The following FBLIM1 variants were observed in gnomAD, a reference collection of about 807,000 sequenced individuals.
The protein encoded by FBLIM1 is filamin binding LIM protein 1, also known as filamin-binding LIM protein 1.
Under a neutral mutation model 37.4 loss-of-function variants are expected in FBLIM1, and 29 were observed. The observed-to-expected ratio is 0.77, with a 90% CI of 0.58 to 1.06. The LOEUF is 1.06. Among genes scored for constraint, FBLIM1 ranks in the 50% least tolerant of loss-of-function variants. FBLIM1 has a pLI of 0.00. For synonymous variants in FBLIM1, 193 were observed against 199.0 expected (o/e 0.97, Z 0.25); for missense variants, 449 against 505.6 (o/e 0.89, Z 1.07).
At chr1:15,757,219 C>T (rs570937684), upstream of FBLIM1, among the ~76,000 whole-genome samples, 6 of 152,308 alleles carry the variant, frequency 3.9e-5, no homozygotes, top group African/African-American at 1.4e-4. The surrounding 1 kb of genome is among the most constrained non-coding windows in gnomAD (Gnocchi z 4.1). Context: ...CCCCAGCTTC[C>T]GATTCTGTAA....
intron 8 of FBLIM1, 108 bp from the exon 9 acceptor site, chr1:15,784,440 G>A (rs1243678948): frequency 7.4e-6 from 6 of 816,314 alleles, no homozygotes; most frequent in Non-Finnish European, 1.2e-5. Flanking sequence ...CTTAGGAAGG[G>A]CATCCACTCA....
Position 15,768,615 on chromosome 1 carries a change from A to G in FBLIM1, c.526A>G (p.Lys176Glu). ...LPPPPAEPVE[K>E]GASTDICAFC... is the part of the protein sequence containing the mutation. ...ACCTCCCCCGGCAGAACCTGTTGAG[A>G]AAGGGGCATCCACAGGTAGGTGCAC... The change falls in exon 5 of 9, where the codon AAA becomes GAA. Residue 176 changes from lysine (K) to glutamate (E), a missense_variant. Lys to Glu is a moderately conservative substitution (Grantham distance 56, BLOSUM62 1). Transcript: ENST00000375766. 1 of 1,611,644 alleles carries G rather than the reference A, an allele frequency of 6.2e-7. No homozygotes were observed.
At chr1:15,768,730 C>T in intron 5 of FBLIM1, 100 bp downstream of exon 5, 2 of 720,458 alleles carry the variant, frequency 2.8e-6, no homozygotes, top group South Asian at 3.3e-5. Flanking sequence ...TTCCCATCCC[C>T]ACCCCAGCTC....
chr1:15,778,245 C>T (rs1362192661), intron 8 of FBLIM1, among the ~76,000 whole-genome samples: 1 of 152,078 alleles, frequency 6.6e-6, no homozygotes, highest in Non-Finnish European at 1.5e-5. Flanking sequence ...GTGCCTTTTC[C>T]AGGTGCTGGG....
chr1:15,757,140 C>G (rs537141643), upstream of FBLIM1, among the ~76,000 whole-genome samples: 2 of 152,142 alleles, frequency 1.3e-5, no homozygotes, highest in Non-Finnish European at 2.9e-5. This position sits in a 1 kb window ranked among gnomAD's most constrained non-coding sequence, Gnocchi z 4.1. Flanking sequence ...AGGAATGAGC[C>G]GAGCAGGGAC....
intron 6 of FBLIM1, among the ~76,000 whole-genome samples, chr1:15,770,960 G>T (rs1056046622): frequency 6.6e-6 from 1 of 152,018 alleles, no homozygotes; most frequent in Admixed American, 6.6e-5. Flanking sequence ...TGCGGTGGGG[G>T]ACGGAGTCTC....
In FBLIM1 at chr1:15,764,727, G is replaced by C. The variant is rs1397869831; in HGVS notation, c.-21+42G>C. ...GCTCCCCTAGGTGTGCAGGTTCGGG[G>C]GAGGGGCAGTCAGGACTTTTGGGTC... On this transcript the variant is annotated intron_variant, in intron 2 of 8. Transcript: ENST00000375766. 5.5e-6 allele frequency: 3 copies of C among 540,622 alleles called. No homozygotes were observed. In the East Asian group the frequency reaches 9.4e-5, roughly 17 times the overall value. The allele number at this position is 540,622 out of a possible 1,614,324, so 33.5% of individuals were successfully genotyped here.
Position 15,770,522 on chromosome 1 carries a change from G to A in FBLIM1, c.655G>A (p.Ala219Thr). Residue 219 changes from alanine to threonine, a missense_variant, in exon 6 of 9, where the codon GCT (alanine) becomes ACT (threonine). Ala to Thr is a moderately conservative substitution (Grantham distance 58). Coordinates refer to ENST00000375766, the MANE Select transcript of FBLIM1 (RefSeq NM_017556.4). ...FTCRTCRRQL[A>T]GQSFYQKDGR... is the part of the protein sequence containing the mutation. ...GTGCCGCACCTGCCGCCGCCAGCTG[G>A]CTGGGCAGAGCTTCTACCAGAAGGA... 1 of 1,613,976 alleles carries A rather than the reference G, an allele frequency of 6.2e-7. No individual in the cohort carries two copies. Among genetic ancestry groups the A allele is most frequent in the East Asian group, 2.2e-5 (1 of 44,884 alleles).
chr1:15,763,513 G>A (rs1408999903), intron 1 of FBLIM1, among the ~76,000 whole-genome samples: 1 of 150,298 alleles, frequency 6.7e-6, no homozygotes, highest in Non-Finnish European at 1.5e-5. Context: ...GCGGGCACCT[G>A]TAGTCCCAGC....
chr1:15,769,141 C>G (rs1040313657), intron 5 of FBLIM1, among the ~76,000 whole-genome samples: 1 of 152,214 alleles, frequency 6.6e-6, no homozygotes, highest in Middle Eastern at 3.2e-3. Flanking sequence ...TGTTCACTTT[C>G]TTTCCTTCGT....
rs2069747870 is a variant in FBLIM1, at chr1:15,785,440, GC to G, written c.*781del. 6.6e-6 allele frequency: 1 copy of G among 152,228 alleles called. No individual in the cohort carries two copies. Among genetic ancestry groups the G allele is most frequent in the African/African-American group, 2.4e-5 (1 of 41,442 alleles). 9.4% of individuals were successfully genotyped at this position (152,228 alleles called of 1,614,324 possible). On this transcript the variant is annotated 3_prime_UTR_variant, in exon 9 of 9. Transcript: ENST00000375766. ...ACTTGAGGTCAGGAGTTTGAGACCA[GC>G]CTGGCCAACACGGCAAAACCCCGTT...
intron 6 of FBLIM1, 79 bp from the exon 7 acceptor site, chr1:15,774,539 C>T: frequency 7.2e-6 from 11 of 1,524,642 alleles, no homozygotes; most frequent in Non-Finnish European, 9.7e-6. Flanking sequence ...CCCCTGAGGG[C>T]AGCCTCTCAG....
rs772416455 is a variant in FBLIM1 at position 15,784,658 on chromosome 1, C to T, written c.1119C>T (p.Cys373=). The T allele has an allele frequency of 6.2e-7, 1 of 1,613,866 alleles. No homozygotes were observed. The highest frequency in any genetic ancestry group is 8.5e-7 in the Non-Finnish European group (1 of 1,179,812). The change falls in exon 9 of 9, where the codon TGC becomes TGT. Residue 373 remains cysteine, a synonymous_variant. Coordinates refer to ENST00000375766, the MANE Select transcript of FBLIM1 (RefSeq NM_017556.4). ...CHVKRSAAGC[C] ...TGAAGCGGAGTGCTGCGGGGTGCTG[C>T]TGAGAGTGCCCGCTGGGCAGTGAAC...
chr1:15,778,327 A>G (rs926946885), intron 8 of FBLIM1, among the ~76,000 whole-genome samples: 1 of 152,108 alleles, frequency 6.6e-6, no homozygotes, highest in Non-Finnish European at 1.5e-5. Flanking sequence ...CACTTTGGGA[A>G]GCTGAGATGG....
At position 15,770,517 on chromosome 1, in the gene FBLIM1, A is replaced by T; in HGVS notation, c.650A>T (p.Gln217Leu). 1 of 1,613,838 alleles carries T rather than the reference A, an allele frequency of 6.2e-7. No homozygotes were observed. The highest frequency in any genetic ancestry group is 1.1e-5 in the South Asian group (1 of 91,070). The change falls in exon 6 of 9, where the codon CAG becomes CTG. Residue 217 changes from glutamine to leucine, a missense_variant. Coordinates refer to ENST00000375766, the MANE Select transcript of FBLIM1 (RefSeq NM_017556.4). ...TTCACGTGCCGCACCTGCCGCCGCC[A>T]GCTGGCTGGGCAGAGCTTCTACCAG... ...QCFTCRTCRR[Q>L]LAGQSFYQKD...
At chr1:15,778,940 C>G (rs889672203) in intron 8 of FBLIM1, among the ~76,000 whole-genome samples, 1 of 151,774 alleles carries the variant, frequency 6.6e-6, no homozygotes, top group Non-Finnish European at 1.5e-5. Context: ...CCGTGCCCAG[C>G]GTTTTTTTAT....
At position 15,784,711 on chromosome 1, in the gene FBLIM1, C is replaced by G. The variant is rs1178924875; in HGVS notation, c.*50C>G. 3 of 1,544,722 alleles carry G rather than the reference C, an allele frequency of 1.9e-6. No individual in the cohort carries two copies. The highest frequency in any genetic ancestry group is 2.7e-6 in the Non-Finnish European group (3 of 1,121,974). On this transcript the variant is annotated 3_prime_UTR_variant, in exon 9 of 9. Coordinates refer to ENST00000375766, the MANE Select transcript of FBLIM1 (RefSeq NM_017556.4). ...ACCACTAGCCCCGGCTGGGGCCCTTCCCTGACTTGGTTTCCCTTCCTAACC... is the reference window on the plus strand; with the variant it reads ...ACCACTAGCCCCGGCTGGGGCCCTTGCCTGACTTGGTTTCCCTTCCTAACC...
rs992898403 is a variant in FBLIM1 at position 15,764,867 on chromosome 1, G to A, written c.-20-97G>A. 60 of 1,405,728 alleles carry A rather than the reference G, an allele frequency of 4.3e-5. No homozygotes were observed. The Admixed American group carries it at 1.3e-3, about 30-fold the overall frequency. The allele number at this position is 1,405,728 out of a possible 1,614,324, so 87.1% of individuals were successfully genotyped here. A position where few individuals can be genotyped will look rare whatever the true frequency, so the allele number is the denominator to read the frequency against. Reference sequence around the variant, plus strand: ...AGTTGTTGAGATGGTAGGGTGGCTGGCCTGTCTTTTTGGGAGGAGGGAGGC... The same window carrying A: ...AGTTGTTGAGATGGTAGGGTGGCTGACCTGTCTTTTTGGGAGGAGGGAGGC... On this transcript the variant is annotated intron_variant, in intron 2 of 8. Transcript: ENST00000375766.
Position 15,765,348 on chromosome 1 carries a change from C to T in FBLIM1, c.250+115C>T, listed in dbSNP as rs551110829. On this transcript the variant is annotated intron_variant, in intron 3 of 8. Coordinates refer to ENST00000375766, the MANE Select transcript of FBLIM1 (RefSeq NM_017556.4). This position sits in a 1 kb window ranked among gnomAD's most constrained non-coding sequence, Gnocchi z 5.9. ...ATTCATCCTGACAAAATTCACACAT[C>T]AACGGGAAACAAAAAGATGTGCCCC... 2.0e-4 allele frequency: 272 copies of T among 1,393,102 alleles called. No homozygotes were observed. Among genetic ancestry groups the T allele is most frequent in the Admixed American group, 5.0e-4 (20 of 39,900 alleles). 86.3% of individuals were successfully genotyped at this position (1,393,102 alleles called of 1,614,324 possible).
Sources: gnomAD v4.1 joint callset for allele counts (sites outside exome capture counted in the v4.1 genomes callset) on GRCh38, gnomAD v4.1.1 for gene constraint, Gnocchi (gnomAD v3.1) non-coding constraint, MANE v1.5 for transcripts, NCBI Gene and HGNC (gene_info 2026-07-23, HGNC 2026-07-21) for gene names.